The following STARD13 variants were observed in gnomAD, a reference collection of about 807,000 sequenced individuals.
STARD13 encodes StAR related lipid transfer domain containing 13.
In STARD13, 62 loss-of-function variants were observed where a neutral mutation model predicts 106.4. The ratio of observed to expected loss-of-function variants is 0.58; its 90% confidence interval spans 0.48 to 0.72. The LOEUF (loss-of-function observed/expected upper bound fraction) is 0.72. STARD13 is among the 30% of genes least tolerant of loss of function. The pLI, the probability that STARD13 is intolerant of heterozygous loss-of-function variation, is 0.00. For missense variants in STARD13, 1,387 were observed against 1,424.0 expected (o/e 0.97, Z 0.42); for synonymous variants, 565 against 553.0 (o/e 1.02, Z -0.31).
chr13:33,119,700 C>T (rs9315204), intron 7 of STARD13, among the ~76,000 whole-genome samples: 31,160 of 152,102 alleles, frequency 0.2, 3,584 homozygotes, highest in South Asian at 0.29. Flanking sequence ...CTTTGCATTC[C>T]AAGGTTTATC....
At chr13:33,356,907 T>G in the STARD13 span, among the ~76,000 whole-genome samples, 1 of 152,180 alleles carries the variant, frequency 6.6e-6, no homozygotes, top group Non-Finnish European at 1.5e-5. Context: ...GTAGGAGAGA[T>G]AGAAGCTATT....
At chr13:33,504,311 T>C in the STARD13 span, among the ~76,000 whole-genome samples, 1 of 152,118 alleles carries the variant, frequency 6.6e-6, no homozygotes, top group African/African-American at 2.4e-5. Context: ...CACACATATG[T>C]TTATTGCGGC....
chr13:33,340,743 A>G (rs1208398263), intron 1 of STARD13, among the ~76,000 whole-genome samples: 1 of 152,230 alleles, frequency 6.6e-6, no homozygotes, highest in Non-Finnish European at 1.5e-5. Flanking sequence ...AGAGTGTAAG[A>G]TGTCTTGACA....
chr13:33,361,052 G>C, the STARD13 span, among the ~76,000 whole-genome samples: 2 of 148,006 alleles, frequency 1.4e-5, no homozygotes, highest in Admixed American at 1.4e-4. Flanking sequence ...TAATCCGCCT[G>C]CCTCGGCCTC....
intron 1 of STARD13, among the ~76,000 whole-genome samples, chr13:33,312,888 G>C (rs1893195336): frequency 6.6e-6 from 1 of 152,196 alleles, no homozygotes; most frequent in Non-Finnish European, 1.5e-5. Context: ...TCCATTTGTT[G>C]AGCCAGATTT....
chr13:33,543,447 C>T, the STARD13 span, among the ~76,000 whole-genome samples: 1 of 152,148 alleles, frequency 6.6e-6, no homozygotes, highest in African/African-American at 2.4e-5. Context: ...GTAATTTCCC[C>T]AAAGTTAGTA....
chr13:33,222,115 C>T (rs1273594865), intron 1 of STARD13, among the ~76,000 whole-genome samples: 1 of 152,064 alleles, frequency 6.6e-6, no homozygotes, highest in Non-Finnish European at 1.5e-5. Flanking sequence ...CACCACTGCA[C>T]TCCAGCCTGG....
chr13:33,188,427 T>C (rs1166326734), intron 1 of STARD13, among the ~76,000 whole-genome samples: 1 of 152,126 alleles, frequency 6.6e-6, no homozygotes, highest in Non-Finnish European at 1.5e-5. Flanking sequence ...AAAATTAAAA[T>C]GGACACAGAG....
the STARD13 span, among the ~76,000 whole-genome samples, chr13:33,459,523 G>T: frequency 6.6e-6 from 1 of 152,094 alleles, no homozygotes. Context: ...CACTTAGGTT[G>T]TTTCTAGGTT....
chr13:33,356,547 A>G, the STARD13 span, among the ~76,000 whole-genome samples: 5 of 152,334 alleles, frequency 3.3e-5, no homozygotes, highest in African/African-American at 1.2e-4. Context: ...TGTAATCTCC[A>G]TAAGTTACCC....
At chr13:33,450,600 T>C in the STARD13 span, among the ~76,000 whole-genome samples, 1 of 152,242 alleles carries the variant, frequency 6.6e-6, no homozygotes, top group Non-Finnish European at 1.5e-5. Flanking sequence ...AAGACAGCTC[T>C]ATAACAAAAA....
the STARD13 span, among the ~76,000 whole-genome samples, chr13:33,364,541 G>A: frequency 0.03 from 4,578 of 152,196 alleles, 223 homozygotes; most frequent in African/African-American, 0.1. Context: ...GGAAAAATAC[G>A]ACTTCCTCGT....
chr13:33,270,215 A>G (rs1307075234), intron 1 of STARD13, among the ~76,000 whole-genome samples: 1 of 152,194 alleles, frequency 6.6e-6, no homozygotes, highest in Non-Finnish European at 1.5e-5. Context: ...TAGCCTGGGC[A>G]ACAGAGTGAG....
At position 33,116,789 on chromosome 13, in the gene STARD13, C is replaced by T. The variant is rs191641868; in HGVS notation, c.2281+1276G>A. Among the ~76,000 whole-genome samples the T allele has an allele frequency of 3.0e-4, 45 of 152,348 alleles. 2 individuals carry two copies. The highest frequency in any genetic ancestry group is 3.4e-3 in the Middle Eastern group (1 of 294). Reference sequence around the variant, plus strand: ...TGTACCATTAACTTAACTTAATCTACTTACTTTGAAAAACTAATATTTACT... The same window carrying T: ...TGTACCATTAACTTAACTTAATCTATTTACTTTGAAAAACTAATATTTACT... On this transcript the variant is annotated intron_variant, in intron 8 of 13. Coordinates refer to ENST00000336934, the MANE Select transcript of STARD13 (RefSeq NM_178006.4).
chr13:33,164,287 G>C (rs1295148146), intron 3 of STARD13: 1 of 152,190 alleles, frequency 6.6e-6, no homozygotes, highest in East Asian at 1.9e-4. Flanking sequence ...ATACGTGTCT[G>C]AAGATTCAGC....
intron 1 of STARD13, among the ~76,000 whole-genome samples, chr13:33,301,299 C>A (rs956576452): frequency 6.6e-6 from 1 of 152,188 alleles, no homozygotes; most frequent in African/African-American, 2.4e-5. Flanking sequence ...GATTACTCAG[C>A]ACAGATGGAG....
the STARD13 span, among the ~76,000 whole-genome samples, chr13:33,394,118 A>C: frequency 1.3e-5 from 2 of 152,216 alleles, no homozygotes; most frequent in South Asian, 2.1e-4. Flanking sequence ...ATCCTGAAAG[A>C]TTAGAAAAAG....
chr13:33,359,693 C>T, the STARD13 span: 1 of 152,856 alleles, frequency 6.5e-6, no homozygotes, highest in Admixed American at 6.6e-5. Flanking sequence ...GTCTCATTCT[C>T]TTCTCCCCAC....
At chr13:33,349,992 AGGCCGCCCGGG>A (rs2078057201) in intron 1 of STARD13, among the ~76,000 whole-genome samples, 1 of 144,664 alleles carries the variant, frequency 6.9e-6, no homozygotes, top group Admixed American at 7.1e-5. Flanking sequence ...CTAGGCTAAA[AGGCCGCCCGGG>A]GGCAGCCCCT....
Sources: allele counts gnomAD v4.1 joint callset (sites outside exome capture counted in the v4.1 genomes callset), GRCh38; gene constraint gnomAD v4.1.1; transcripts MANE v1.5; gene names NCBI Gene and HGNC (gene_info 2026-07-23, HGNC 2026-07-21).